The following DEPDC5 variants were observed in gnomAD, a reference collection of about 807,000 sequenced individuals.
The protein encoded by DEPDC5 is GATOR1 complex protein DEPDC5.
Under a neutral mutation model 217.3 loss-of-function variants are expected in DEPDC5, and 73 were observed. That is an observed-to-expected ratio of 0.34 (90% CI 0.28 to 0.41). The LOEUF is 0.41. Among genes scored for constraint, DEPDC5 ranks in the 10% least tolerant of loss-of-function variants. The pLI, the probability that DEPDC5 is intolerant of heterozygous loss-of-function variation, is 1.00. For missense variants in DEPDC5, 1,675 were observed against 2,070.1 expected, an observed-to-expected ratio of 0.81 and a Z score of 3.70; for synonymous variants, 733 against 756.7, an observed-to-expected ratio of 0.97 and a Z score of 0.51.
At chr22:31,881,975 AAAAG>A (rs981303375) in intron 38 of DEPDC5, among the ~76,000 whole-genome samples, 1 of 151,910 alleles carries the variant, frequency 6.6e-6, no homozygotes, top group African/African-American at 2.4e-5. Flanking sequence ...AAAAAAAAAA[AAAAG>A]AATAGCAAAG....
chr22:31,781,152 GT>G (rs1368293399), intron 8 of DEPDC5, among the ~76,000 whole-genome samples: 1 of 151,000 alleles, frequency 6.6e-6, no homozygotes, highest in Non-Finnish European at 1.5e-5. Flanking sequence ...GGAGGCAGAG[GT>G]TGCGGTGAAC....
intron 21 of DEPDC5, among the ~76,000 whole-genome samples, chr22:31,818,627 T>G (rs559534167): frequency 3.9e-5 from 6 of 152,222 alleles, no homozygotes; most frequent in Non-Finnish European, 5.9e-5. Context: ...AGATCTGCCC[T>G]TCTGGTGACC....
At chr22:31,778,508 A>G (rs919562099) in intron 8 of DEPDC5, among the ~76,000 whole-genome samples, 1 of 151,922 alleles carries the variant, frequency 6.6e-6, no homozygotes, top group Non-Finnish European at 1.5e-5. Context: ...CAAAAAACAC[A>G]AACAAACAAA....
chr22:31,772,667 G>A (rs2083463568), intron 7 of DEPDC5, among the ~76,000 whole-genome samples: 1 of 152,066 alleles, frequency 6.6e-6, no homozygotes, highest in African/African-American at 2.4e-5. Context: ...CAGGAGATAG[G>A]CGAGAATTGG....
rs571622223 is a variant in DEPDC5 at position 31,815,417 on chromosome 22, G to A, written c.1666+205G>A. The A allele has an allele frequency of 1.6e-4, 107 of 667,522 alleles. No homozygotes were observed. In the South Asian group the frequency reaches 1.7e-3, roughly 11 times the overall value. The allele number at this position is 667,522 out of a possible 1,614,324, so 41.3% of individuals were successfully genotyped here. A position where few individuals can be genotyped will look rare whatever the true frequency, so the allele number is the denominator to read the frequency against. ...TTTTTTTTTTTTTTTTGGTGACAGAGCACCTAGGATAAAGTGCAGTGATGC... is the reference window on the plus strand; with the variant it reads ...TTTTTTTTTTTTTTTTGGTGACAGAACACCTAGGATAAAGTGCAGTGATGC... On this transcript the variant is annotated intron_variant, in intron 21 of 42. Coordinates refer to ENST00000651528, the MANE Select transcript of DEPDC5 (RefSeq NM_001242896.3).
chr22:31,780,308 G>C (rs749327693), intron 8 of DEPDC5, among the ~76,000 whole-genome samples: 4 of 152,204 alleles, frequency 2.6e-5, no homozygotes, highest in Non-Finnish European at 5.9e-5. Context: ...GAAGGAAAGA[G>C]AAGTACTGAA....
At chr22:31,784,072 C>T in intron 9 of DEPDC5, 87 bp downstream of exon 9, 1 of 1,040,162 alleles carries the variant, frequency 9.6e-7, no homozygotes, top group Non-Finnish European at 1.4e-6. Context: ...CAGGGTCCCC[C>T]ACATCATCTT....
chr22:31,825,880 A>T (rs2090107960), intron 24 of DEPDC5, among the ~76,000 whole-genome samples: 1 of 152,168 alleles, frequency 6.6e-6, no homozygotes, highest in Non-Finnish European at 1.5e-5. Context: ...CTGCAGGTGG[A>T]AAGAGCGCAG....
intron 34 of DEPDC5, among the ~76,000 whole-genome samples, chr22:31,871,005 C>T (rs1272786779): frequency 2.0e-5 from 3 of 152,190 alleles, no homozygotes; most frequent in Non-Finnish European, 2.9e-5. Flanking sequence ...ACAGGGCTTC[C>T]GGAAGGGGGC....
rs77125682 is a variant in DEPDC5, at chr22:31,892,893, T to C, written c.4034-689T>C. Among the ~76,000 whole-genome samples the C allele has an allele frequency of 8.2e-5, 11 of 134,690 alleles. 1 individual carries two copies. The highest frequency in any genetic ancestry group is 4.6e-4 in the South Asian group (2 of 4,324). 88.4% of individuals were successfully genotyped at this position (134,690 alleles called of 152,430 possible). On this transcript the variant is annotated intron_variant, in intron 38 of 42. Transcript: ENST00000651528. ...GGTGTATTTTTTTTTTTTTTTTTTT[T>C]TGAGACGGAGTCTCGCTGTATTGCC...
rs560842808 is a variant in DEPDC5 at position 31,842,391 on chromosome 22, C to T, written c.2516-704C>T. On this transcript the variant is annotated intron_variant, in intron 27 of 42. Transcript: ENST00000651528. ...GGGAGTTCAAGACCAGCCTGACCAA[C>T]ATGGAGAAACCCCGTCTCCACTAAA... Among the ~76,000 whole-genome samples the T allele has an allele frequency of 3.3e-5, 5 of 152,216 alleles. No homozygotes were observed. In the East Asian group the frequency reaches 9.7e-4, roughly 29 times the overall value.
chr22:31,822,196 C>T (rs529046592), intron 23 of DEPDC5, among the ~76,000 whole-genome samples: 5 of 152,332 alleles, frequency 3.3e-5, no homozygotes, highest in East Asian at 1.9e-4. Flanking sequence ...CCTTGACAGG[C>T]GTGAGCCCGG....
intron 26 of DEPDC5, 41 bp from the exon 27 acceptor site, chr22:31,838,644 C>G: frequency 1.2e-6 from 2 of 1,605,212 alleles, no homozygotes; most frequent in Non-Finnish European, 1.7e-6. Context: ...GTCACTGTCT[C>G]GGGCCAAGCA....
At chr22:31,786,556 C>T (rs987837374) in intron 10 of DEPDC5, among the ~76,000 whole-genome samples, 1 of 150,706 alleles carries the variant, frequency 6.6e-6, no homozygotes, top group Admixed American at 6.6e-5. Context: ...GGTGCAATCT[C>T]AGCTCACTGC....
At chr22:31,901,893 C>T in intron 41 of DEPDC5, 91 bp downstream of exon 41, 1 of 1,212,448 alleles carries the variant, frequency 8.2e-7, no homozygotes, top group African/African-American at 1.5e-5. Flanking sequence ...TTTTTAGCTC[C>T]TAGAGAAAGG....
intron 40 of DEPDC5, among the ~76,000 whole-genome samples, chr22:31,900,203 C>T (rs1009589439): frequency 2.0e-5 from 3 of 151,884 alleles, no homozygotes; most frequent in Admixed American, 1.3e-4. Context: ...TGTGGAACCA[C>T]GCCCAGCTAA....
At chr22:31,887,070 G>A (rs536772578) in intron 38 of DEPDC5, among the ~76,000 whole-genome samples, 15 of 147,896 alleles carry the variant, frequency 1.0e-4, no homozygotes, top group South Asian at 2.1e-4. Context: ...ACGACAGGGC[G>A]AGATTCCATC....
intron 32 of DEPDC5, among the ~76,000 whole-genome samples, chr22:31,860,256 G>A (rs1490456763): frequency 6.6e-6 from 1 of 152,196 alleles, no homozygotes; most frequent in African/African-American, 2.4e-5. Context: ...AACACTTCAT[G>A]TTAGAATGCG....
rs750936617 is a variant in DEPDC5, at chr22:31,879,629, G to A, written c.3910G>A (p.Val1304Met). The change falls in exon 38 of 43, where the codon GTG (valine) becomes ATG (methionine). Residue 1304 changes from valine to methionine, a missense_variant. Transcript: ENST00000651528. ...FEVAFVAEEL[V>M]HSEIPAFLLP... The stretch of plus-strand genomic sequence containing the variant: ...GGTGGCCTTTGTGGCAGAAGAGCTC[G>A]TGCACTCTGAGATTCCTGCCTTTCT... 85 of 1,613,894 alleles carry A rather than the reference G, an allele frequency of 5.3e-5. No individual in the cohort carries two copies. The highest frequency in any genetic ancestry group is 6.9e-5 in the Non-Finnish European group (82 of 1,180,024).
Sources: gnomAD v4.1 joint callset for allele counts (sites outside exome capture counted in the v4.1 genomes callset) on GRCh38, gnomAD v4.1.1 for gene constraint, MANE v1.5 for transcripts, NCBI Gene and HGNC (gene_info 2026-07-23, HGNC 2026-07-21) for gene names.